The following CCDC191 variants were observed in gnomAD, a reference collection of about 807,000 sequenced individuals.
CCDC191 encodes the protein coiled-coil domain-containing protein 191.
A neutral mutation model predicts 114.0 loss-of-function variants in CCDC191; 99 were observed. That is an observed-to-expected ratio of 0.87 (90% CI 0.74 to 1.03). CCDC191 has a LOEUF of 1.03. CCDC191 is among the 50% of genes least tolerant of loss of function. The pLI is 0.00. For missense variants in CCDC191, 973 were observed against 1,087.0 expected (o/e 0.90, Z 1.47); for synonymous variants, 351 against 376.0 (o/e 0.93, Z 0.77).
At chr3:113,980,557 C>A in intron 14 of CCDC191, 93 bp downstream of exon 14, 1 of 1,211,522 alleles carries the variant, frequency 8.3e-7, no homozygotes, top group African/African-American at 1.6e-5. Flanking sequence ...CTTTAAATCA[C>A]CAAACCCTAC....
chr3:114,006,881 T>C (rs2075980958), intron 9 of CCDC191, among the ~76,000 whole-genome samples: 1 of 151,996 alleles, frequency 6.6e-6, no homozygotes, highest in Non-Finnish European at 1.5e-5. Context: ...GCTAACCGTT[T>C]CCAGCTATTC....
chr3:114,055,599 T>C (rs1436116119), intron 1 of CCDC191, among the ~76,000 whole-genome samples: 2 of 152,266 alleles, frequency 1.3e-5, no homozygotes, highest in African/African-American at 4.8e-5. Context: ...TGAAAACAGC[T>C]GGTGAAACTG....
intron 8 of CCDC191, 67 bp from the exon 9 acceptor site, chr3:114,011,088 TGAAAC>T: frequency 6.6e-7 from 1 of 1,506,704 alleles, no homozygotes; most frequent in Non-Finnish European, 8.9e-7. Context: ...ATAATATAAA[TGAAAC>T]ATAAGTCCAA....
rs759263579 is a variant in CCDC191 at position 114,018,873 on chromosome 3, AG to A, written c.973-6del. 9 of 1,612,718 alleles carry A rather than the reference AG, an allele frequency of 5.6e-6. No individual in the cohort carries two copies. The South Asian group carries it at 7.7e-5, about 14-fold the overall frequency. On this transcript the variant is annotated splice_polypyrimidine_tract_variant and splice_region_variant and intron_variant, in intron 7 of 16. Coordinates refer to ENST00000295878, the MANE Select transcript of CCDC191 (RefSeq NM_020817.2). The stretch of plus-strand genomic sequence containing the variant: ...AGCGAAATACCGTTTTTGACACTGC[AG>A]CGGAAATATTAGGAAAATCACCACC...
At chr3:114,001,388 G>T (rs1323539049) in intron 13 of CCDC191, among the ~76,000 whole-genome samples, 1 of 152,164 alleles carries the variant, frequency 6.6e-6, no homozygotes, top group Non-Finnish European at 1.5e-5. Context: ...GGTGGGCAGG[G>T]CAGGAAAGGC....
chr3:114,006,532 T>C (rs2075962538), intron 9 of CCDC191, among the ~76,000 whole-genome samples: 2 of 147,812 alleles, frequency 1.4e-5, no homozygotes, highest in South Asian at 4.3e-4. Context: ...AAAAATCTTC[T>C]CTTATAAATT....
At chr3:113,974,839 C>G (rs981135861) in intron 16 of CCDC191, among the ~76,000 whole-genome samples, 1 of 152,086 alleles carries the variant, frequency 6.6e-6, no homozygotes, top group African/African-American at 2.4e-5. Flanking sequence ...CATCTTGGCT[C>G]TAGTAAACCT....
intron 13 of CCDC191, among the ~76,000 whole-genome samples, chr3:113,992,633 C>T (rs918668842): frequency 2.0e-5 from 3 of 151,930 alleles, no homozygotes; most frequent in Non-Finnish European, 4.4e-5. Flanking sequence ...TGCTAAATGA[C>T]GAGTTAATGG....
intron 7 of CCDC191, among the ~76,000 whole-genome samples, chr3:114,023,996 A>C (rs190707164): frequency 6.6e-6 from 1 of 152,220 alleles, no homozygotes; most frequent in Non-Finnish European, 1.5e-5. Context: ...CAATGAACTC[A>C]AACAAATTTA....
chr3:114,053,378 C>CA (rs1232539802), intron 2 of CCDC191, among the ~76,000 whole-genome samples: 1 of 152,150 alleles, frequency 6.6e-6, no homozygotes, highest in African/African-American at 2.4e-5. Flanking sequence ...GAAGTCTACA[C>CA]ACCTGTTTTC....
chr3:113,964,888 A>G lies in CCDC191; in HGVS notation c.*267T>C, dbSNP rs1301591625. On this transcript the variant is annotated 3_prime_UTR_variant, in exon 17 of 17. Coordinates refer to ENST00000295878, the MANE Select transcript of CCDC191 (RefSeq NM_020817.2). ...ACACTTGTCCTTTTTAAAGTTTACTATGCTAAAAATATATAGGATATATTT... is the reference window on the plus strand; with the variant it reads ...ACACTTGTCCTTTTTAAAGTTTACTGTGCTAAAAATATATAGGATATATTT... 1 of 251,136 alleles carries G rather than the reference A, an allele frequency of 4.0e-6. No homozygotes were observed. The highest frequency in any genetic ancestry group is 5.5e-5 in the Admixed American group (1 of 18,332). 15.6% of individuals were successfully genotyped at this position (251,136 alleles called of 1,614,324 possible).
At chr3:113,985,098 C>T (rs536237547) in intron 13 of CCDC191, among the ~76,000 whole-genome samples, 17 of 152,274 alleles carry the variant, frequency 1.1e-4, no homozygotes, top group Non-Finnish European at 2.2e-4. Context: ...AAGGTTGAAG[C>T]TCCTGGGGAT....
rs191803648 is a variant in CCDC191 at position 114,047,016 on chromosome 3, G to C, written c.130-284C>G. Reference sequence around the variant, plus strand: ...AAGATTTAGATAACTTTTGTTTAGGGCATTAGTGATAGGATCCTGAGACAT... The same window carrying C: ...AAGATTTAGATAACTTTTGTTTAGGCCATTAGTGATAGGATCCTGAGACAT... On this transcript the variant is annotated intron_variant, in intron 2 of 16. Transcript: ENST00000295878. 1.9e-3 allele frequency: 1,781 copies of C among 954,902 alleles called. 4 individuals carry two copies. Among genetic ancestry groups the C allele is most frequent in the Non-Finnish European group, 2.0e-3 (1,617 of 802,420 alleles). The allele number at this position is 954,902 out of a possible 1,614,324, so 59.2% of individuals were successfully genotyped here.
chr3:114,045,234 T>G (rs1420857823), intron 3 of CCDC191, among the ~76,000 whole-genome samples: 1 of 152,088 alleles, frequency 6.6e-6, no homozygotes, highest in Non-Finnish European at 1.5e-5. Flanking sequence ...ATCAATCTCC[T>G]TTCTCTAGCT....
rs1314335635 is a variant in CCDC191, at chr3:113,964,488, A to G, written c.*667T>C. 6.6e-6 allele frequency: 1 copy of G among 152,258 alleles called. No homozygotes were observed. The highest frequency in any genetic ancestry group is 6.5e-5 in the Admixed American group (1 of 15,288). 9.4% of individuals were successfully genotyped at this position (152,258 alleles called of 1,614,324 possible). Reference sequence around the variant, plus strand: ...TCAGCAGTTGCAGGTGGGAGCATGAACAGATAATTTAATGAATTGCTGGAC... The same window carrying G: ...TCAGCAGTTGCAGGTGGGAGCATGAGCAGATAATTTAATGAATTGCTGGAC... On this transcript the variant is annotated 3_prime_UTR_variant, in exon 17 of 17. Coordinates refer to ENST00000295878, the MANE Select transcript of CCDC191 (RefSeq NM_020817.2).
chr3:114,051,898 A>G (rs1321355815), intron 2 of CCDC191, among the ~76,000 whole-genome samples: 5 of 152,218 alleles, frequency 3.3e-5, no homozygotes, highest in East Asian at 1.9e-4. Context: ...CAAAAAGACC[A>G]TGGAGGAGAG....
chr3:114,008,688 TATA>T (rs1416771295), intron 9 of CCDC191, among the ~76,000 whole-genome samples: 3 of 152,108 alleles, frequency 2.0e-5, no homozygotes, highest in Middle Eastern at 3.4e-3. Context: ...GTTTGCAATA[TATA>T]ATAATAAAAG....
chr3:114,019,452 C>T (rs1015813726), intron 7 of CCDC191, among the ~76,000 whole-genome samples: 1 of 152,158 alleles, frequency 6.6e-6, no homozygotes, highest in African/African-American at 2.4e-5. Flanking sequence ...TCTTCCACTA[C>T]ATGCACTTGA....
chr3:113,967,048 G>A (rs1341438837), intron 16 of CCDC191, among the ~76,000 whole-genome samples: 1 of 152,076 alleles, frequency 6.6e-6, no homozygotes, highest in African/African-American at 2.4e-5. Context: ...GCAGTGAGCC[G>A]AGATCAAGCC....
Sources: allele counts gnomAD v4.1 joint callset (sites outside exome capture counted in the v4.1 genomes callset), GRCh38; gene constraint gnomAD v4.1.1; transcripts MANE v1.5; gene names NCBI Gene and HGNC (gene_info 2026-07-23, HGNC 2026-07-21).